UBE3D: variants seen among roughly 807,000 people sequenced by gnomAD.
The protein encoded by UBE3D is ubiquitin protein ligase E3D.
A neutral mutation model predicts 49.6 loss-of-function variants in UBE3D; 48 were observed. The ratio of observed to expected loss-of-function variants is 0.97; its 90% CI spans 0.77 to 1.23. UBE3D has a LOEUF of 1.23. Ranked by LOEUF, UBE3D falls within the 50% of genes most tolerant of loss-of-function variation. UBE3D has a pLI of 0.00. For synonymous variants in UBE3D, 189 were observed against 174.2 expected (o/e 1.08, Z -0.67); for missense variants, 452 against 468.4 (o/e 0.96, Z 0.32).
chr6:82,976,899 G>A (rs866567549), intron 8 of UBE3D, among the ~76,000 whole-genome samples: 3 of 152,050 alleles, frequency 2.0e-5, no homozygotes, highest in Non-Finnish European at 2.9e-5. Context: ...CAGATCATGA[G>A]GTCAGGAGAT....
At chr6:83,048,213 T>C (rs1353820068) in intron 3 of UBE3D, among the ~76,000 whole-genome samples, 1 of 150,666 alleles carries the variant, frequency 6.6e-6, no homozygotes, top group Admixed American at 6.6e-5. Context: ...CTTGGGCAGG[T>C]AGGATGGTGG....
At chr6:82,902,642 T>A in intron 9 of UBE3D, among the ~76,000 whole-genome samples, 1 of 152,142 alleles carries the variant, frequency 6.6e-6, no homozygotes, top group East Asian at 1.9e-4. Flanking sequence ...GGTGTGATTA[T>A]TAAAGTGCAA....
chr6:82,974,119 A>G (rs9449566), intron 8 of UBE3D, among the ~76,000 whole-genome samples: 48,374 of 152,084 alleles, frequency 0.32, 8,348 homozygotes, highest in African/African-American at 0.45. Flanking sequence ...GGTTTTTGTC[A>G]TTAAAAGGAA....
At chr6:83,039,225 T>C (rs1000576189) in intron 4 of UBE3D, among the ~76,000 whole-genome samples, 2 of 152,210 alleles carry the variant, frequency 1.3e-5, no homozygotes, top group Non-Finnish European at 1.5e-5. Context: ...GCAGAAGCCA[T>C]ATACAGTGGG....
intron 9 of UBE3D, among the ~76,000 whole-genome samples, chr6:82,914,461 T>C (rs1772763401): frequency 6.6e-6 from 1 of 152,070 alleles, no homozygotes; most frequent in South Asian, 2.1e-4. Context: ...GTGCCACAAG[T>C]GGAAATGTGT....
chr6:82,914,891 C>T (rs138810708), intron 9 of UBE3D, among the ~76,000 whole-genome samples: 8 of 146,998 alleles, frequency 5.4e-5, no homozygotes, highest in African/African-American at 2.0e-4. Context: ...CATCCTCTCT[C>T]ATCCTGAGAG....
intron 9 of UBE3D, among the ~76,000 whole-genome samples, chr6:82,904,358 G>A (rs1160367935): frequency 6.6e-6 from 1 of 152,192 alleles, no homozygotes; most frequent in Non-Finnish European, 1.5e-5. Context: ...ACATTACACA[G>A]AGAGAAGTAA....
In UBE3D at chr6:82,974,320, G is replaced by A. The variant is rs553485410; in HGVS notation, c.1011-16870C>T. ...CTGCTGTACAGTGTATGTGTGTACAGTGATCCCTACGTATCCATAGGGGAT... is the reference window on the plus strand; with the variant it reads ...CTGCTGTACAGTGTATGTGTGTACAATGATCCCTACGTATCCATAGGGGAT... On this transcript the variant is annotated intron_variant, in intron 8 of 9. Coordinates refer to ENST00000369747, the MANE Select transcript of UBE3D (RefSeq NM_198920.3). Among the ~76,000 whole-genome samples, 7 of 152,202 alleles carry A rather than the reference G, an allele frequency of 4.6e-5. No individual in the cohort carries two copies. The East Asian group carries it at 1.4e-3, about 29-fold the overall frequency.
chr6:83,044,821 T>C (rs1782920240), intron 3 of UBE3D, among the ~76,000 whole-genome samples, 162 bp from the exon 4 acceptor site: 1 of 152,206 alleles, frequency 6.6e-6, no homozygotes, highest in African/African-American at 2.4e-5. Flanking sequence ...ACAGCTAATT[T>C]TGAAAATGCA....
At chr6:82,957,969 G>A (rs1488795993) in intron 8 of UBE3D, among the ~76,000 whole-genome samples, 5 of 152,124 alleles carry the variant, frequency 3.3e-5, no homozygotes, top group African/African-American at 1.2e-4. Flanking sequence ...TCTTGTAACA[G>A]CCCCAACTTA....
intron 5 of UBE3D, among the ~76,000 whole-genome samples, chr6:83,027,190 C>T (rs1781522705): frequency 6.6e-6 from 1 of 151,804 alleles, no homozygotes; most frequent in Non-Finnish European, 1.5e-5. Context: ...GTAATCCCAG[C>T]ACTTTGGGAG....
chr6:83,032,343 G>A (rs1427756751), intron 5 of UBE3D: 1 of 449,640 alleles, frequency 2.2e-6, no homozygotes. Flanking sequence ...AGATCATTTT[G>A]GAGCTTTAAG....
chr6:82,965,330 T>A (rs1305722747), intron 8 of UBE3D, among the ~76,000 whole-genome samples: 1 of 152,124 alleles, frequency 6.6e-6, no homozygotes, highest in Middle Eastern at 3.2e-3. Context: ...ACACCTGTAA[T>A]CCCAGCACTT....
At chr6:82,928,361 TGTATTATAAAA>T (rs1361605712) in intron 9 of UBE3D, among the ~76,000 whole-genome samples, 1 of 152,086 alleles carries the variant, frequency 6.6e-6, no homozygotes, top group Non-Finnish European at 1.5e-5. Context: ...TGTTGTTGTA[TGTATTATAAAA>T]AAGCACAGGA....
chr6:82,982,847 CT>C, intron 8 of UBE3D, among the ~76,000 whole-genome samples: 1 of 152,166 alleles, frequency 6.6e-6, no homozygotes, highest in Non-Finnish European at 1.5e-5. Context: ...AAAACTTCCC[CT>C]AATCACATAT....
chr6:82,909,663 G>A (rs1458116753), intron 9 of UBE3D, among the ~76,000 whole-genome samples: 1 of 152,138 alleles, frequency 6.6e-6, no homozygotes, highest in Non-Finnish European at 1.5e-5. Flanking sequence ...CTCTTAGGTT[G>A]GAAAAGCTGC....
At chr6:82,933,071 G>GT (rs1049113840) in intron 9 of UBE3D, among the ~76,000 whole-genome samples, 2 of 151,802 alleles carry the variant, frequency 1.3e-5, no homozygotes, top group African/African-American at 4.8e-5. Flanking sequence ...GCAGATTTGG[G>GT]TTTTTTTGGG....
At chr6:83,047,617 C>T (rs970998879) in intron 3 of UBE3D, among the ~76,000 whole-genome samples, 1 of 152,150 alleles carries the variant, frequency 6.6e-6, no homozygotes, top group Non-Finnish European at 1.5e-5. Context: ...GGCAAGCTGG[C>T]AAGGAATGTG....
At chr6:82,945,417 T>C (rs78363412) in intron 9 of UBE3D, among the ~76,000 whole-genome samples, 1,544 of 152,192 alleles carry the variant, frequency 0.01, 21 homozygotes, top group African/African-American at 0.036. Flanking sequence ...CCAGTATGAG[T>C]CTATGAGTCT....
Sources: gnomAD v4.1 joint callset for allele counts (sites outside exome capture counted in the v4.1 genomes callset) on GRCh38, gnomAD v4.1.1 for gene constraint, MANE v1.5 for transcripts, NCBI Gene and HGNC (gene_info 2026-07-23, HGNC 2026-07-21) for gene names.